The following JARID2 variants were observed in gnomAD, a reference collection of about 807,000 sequenced individuals.
The protein encoded by JARID2 is protein Jumonji.
Under a neutral mutation model 125.6 loss-of-function variants are expected in JARID2, and 21 were observed. The observed-to-expected ratio is 0.17, with a 90% confidence interval of 0.12 to 0.24. JARID2 has a LOEUF of 0.24. Among genes scored for constraint, JARID2 ranks in the 10% least tolerant of loss-of-function variants. The probability of loss-of-function intolerance (pLI) is 1.00; values close to 1 mark genes in which losing one functional copy is unlikely to be tolerated. For synonymous variants in JARID2, 736 were observed against 661.6 expected (o/e 1.11, Z -1.73); for missense variants, 1,303 against 1,639.6 (o/e 0.79, Z 3.55).
intron 9 of JARID2, 44 bp from the exon 10 acceptor site, chr6:15,507,092 C>T (rs767245264): frequency 4.0e-6 from 5 of 1,265,576 alleles, no homozygotes; most frequent in African/African-American, 1.5e-5. Context: ...TCTGTGGCTG[C>T]AGCACCTTAG....
chr6:15,250,296 CAA>C (rs1191393532), intron 1 of JARID2, among the ~76,000 whole-genome samples: 2 of 152,136 alleles, frequency 1.3e-5, no homozygotes, highest in African/African-American at 4.8e-5. Context: ...AGGAAGAACA[CAA>C]AATATACAGT....
At chr6:15,486,829 C>CA (rs917674411) in intron 5 of JARID2, among the ~76,000 whole-genome samples, 2 of 34,474 alleles carry the variant, frequency 5.8e-5, no homozygotes, top group Non-Finnish European at 4.8e-5. Context: ...TTTTTTGAGA[C>CA]AGAGTCTCGC....
chr6:15,380,648 G>C (rs111254039), intron 2 of JARID2, among the ~76,000 whole-genome samples: 137 of 152,248 alleles, frequency 9.0e-4, no homozygotes, highest in African/African-American at 3.2e-3. Flanking sequence ...TATTGGAAGC[G>C]CAGATGTGGG....
chr6:15,327,235 C>T (rs1034847969), intron 1 of JARID2, among the ~76,000 whole-genome samples: 6 of 152,012 alleles, frequency 3.9e-5, no homozygotes, highest in African/African-American at 1.4e-4. Flanking sequence ...ATGGTAACTT[C>T]TAGGTTCCTT....
chr6:15,366,213 G>A (rs181431707), intron 1 of JARID2, among the ~76,000 whole-genome samples: 3 of 152,162 alleles, frequency 2.0e-5, no homozygotes, highest in East Asian at 1.9e-4. Context: ...TGAGAAACAC[G>A]TTCTGAAAAT....
chr6:15,497,228 C>A, intron 7 of JARID2, 58 bp downstream of exon 7: 1 of 1,292,626 alleles, frequency 7.7e-7, no homozygotes, highest in Non-Finnish European at 1.1e-6. Flanking sequence ...CAGATCCCTG[C>A]AGTTCCCTCA....
At chr6:15,314,334 TA>T (rs10715131) in intron 1 of JARID2, among the ~76,000 whole-genome samples, 67,569 of 151,962 alleles carry the variant, frequency 0.44, 15,781 homozygotes, top group African/African-American at 0.59. Flanking sequence ...TACAATAATT[TA>T]AAAAAAATGA....
At chr6:15,356,778 G>C (rs1216998911) in intron 1 of JARID2, among the ~76,000 whole-genome samples, 1 of 152,174 alleles carries the variant, frequency 6.6e-6, no homozygotes, top group Non-Finnish European at 1.5e-5. Context: ...GTTCTGGGAG[G>C]CCGAGGCAGG....
intron 1 of JARID2, among the ~76,000 whole-genome samples, chr6:15,295,224 C>T (rs993500888): frequency 1.3e-5 from 2 of 151,370 alleles, no homozygotes; most frequent in African/African-American, 4.9e-5. Flanking sequence ...TGGGTTCACG[C>T]CATTCTCCTG....
In JARID2 at chr6:15,521,071, TA is replaced by T. The variant is rs34405141; in HGVS notation, c.*840del. 1.2e-3 allele frequency: 142 copies of T among 115,940 alleles called. No homozygotes were observed. The highest frequency in any genetic ancestry group is 1.4e-3 in the Non-Finnish European group (85 of 59,374). 7.2% of individuals were successfully genotyped at this position (115,940 alleles called of 1,614,324 possible). On this transcript the variant is annotated 3_prime_UTR_variant, in exon 18 of 18. Transcript: ENST00000341776. ...ACCCTTCAATAGCATCCTTAAGATT[TA>T]AAAAAAAAAAAAAAAAAAAGGAAAA...
chr6:15,377,632 A>G (rs1561822885), intron 2 of JARID2, among the ~76,000 whole-genome samples: 1 of 152,110 alleles, frequency 6.6e-6, no homozygotes, highest in East Asian at 1.9e-4. Flanking sequence ...CACCTGGGCA[A>G]CAAATTGAGA....
intron 2 of JARID2, among the ~76,000 whole-genome samples, chr6:15,407,379 T>C (rs1341732085): frequency 6.6e-6 from 1 of 152,174 alleles, no homozygotes; most frequent in Non-Finnish European, 1.5e-5. Flanking sequence ...ATGCTCAAGT[T>C]TGAGAGTCAC....
chr6:15,479,438 A>G (rs1769507123), intron 5 of JARID2, among the ~76,000 whole-genome samples: 1 of 152,238 alleles, frequency 6.6e-6, no homozygotes, highest in Admixed American at 6.5e-5. Context: ...CTGTTATTTT[A>G]TCATTGCACA....
At chr6:15,417,510 G>C (rs1288413846) in intron 3 of JARID2, among the ~76,000 whole-genome samples, 1 of 152,156 alleles carries the variant, frequency 6.6e-6, no homozygotes, top group Non-Finnish European at 1.5e-5. Context: ...GGCTGAGGCC[G>C]GCCGGCCACT....
At chr6:15,491,597 T>A (rs919657431) in intron 6 of JARID2, among the ~76,000 whole-genome samples, 20 of 152,220 alleles carry the variant, frequency 1.3e-4, no homozygotes, top group Non-Finnish European at 2.5e-4. Flanking sequence ...AACTTGCCAG[T>A]GAATCTGAGG....
chr6:15,510,299 C>G (rs535604681), intron 12 of JARID2, among the ~76,000 whole-genome samples: 15 of 152,246 alleles, frequency 9.9e-5, no homozygotes, highest in Middle Eastern at 6.8e-3. Flanking sequence ...CACCCAGGGG[C>G]AGGGCAGCCA....
intron 2 of JARID2, among the ~76,000 whole-genome samples, chr6:15,385,456 C>T (rs545668367): frequency 6.1e-4 from 93 of 151,312 alleles, no homozygotes; most frequent in African/African-American, 1.9e-3. Flanking sequence ...CATGTGCGTG[C>T]GTTTATTCTA....
chr6:15,513,075 A>G, intron 15 of JARID2, 30 bp downstream of exon 15: 1 of 1,613,348 alleles, frequency 6.2e-7, no homozygotes, highest in Non-Finnish European at 8.5e-7. Flanking sequence ...CACGCCAGAG[A>G]GCTGGACCCG....
chr6:15,379,526 A>G (rs76689459), intron 2 of JARID2, among the ~76,000 whole-genome samples: 1 of 152,188 alleles, frequency 6.6e-6, no homozygotes, highest in Non-Finnish European at 1.5e-5. Context: ...GGAAGCTATT[A>G]ACTGTATTTG....
Sources: allele counts gnomAD v4.1 joint callset (sites outside exome capture counted in the v4.1 genomes callset), GRCh38; gene constraint gnomAD v4.1.1; transcripts MANE v1.5; gene names NCBI Gene and HGNC (gene_info 2026-07-23, HGNC 2026-07-21).